CIB2: variants seen among roughly 807,000 people sequenced by gnomAD.
The protein encoded by CIB2 is calcium and integrin binding family member 2.
CIB2 carries 19 observed loss-of-function variants against 23.1 expected under a neutral mutation model. The ratio of observed to expected loss-of-function variants is 0.82; its 90% CI spans 0.57 to 1.21. The LOEUF (loss-of-function observed/expected upper bound fraction) is 1.21. Among genes scored for constraint, CIB2 ranks in the 50% most tolerant of loss-of-function variants. The pLI, the probability that CIB2 is intolerant of heterozygous loss-of-function variation, is 0.00. For missense variants in CIB2, 220 were observed against 241.5 expected, an observed-to-expected ratio of 0.91 and a Z score of 0.59; for synonymous variants, 94 against 91.7, an observed-to-expected ratio of 1.03 and a Z score of -0.14.
chr15:78,120,765 G>C (rs529366406), intron 2 of CIB2: 1 of 984,532 alleles, frequency 1.0e-6, no homozygotes, highest in South Asian at 4.7e-5. Flanking sequence ...AACCTGCAAA[G>C]AAAAACCTCC....
In CIB2 at chr15:78,105,147, C is replaced by A; in HGVS notation, c.*164G>T. ...GAAGGGTCCTAACCTTCACAGGCCC[C>A]CTTCCTGGTTAAGGTTTTTTTTTTG... On this transcript the variant is annotated 3_prime_UTR_variant, in exon 6 of 6. Transcript: ENST00000258930. 1 of 973,148 alleles carries A rather than the reference C, an allele frequency of 1.0e-6. No homozygotes were observed. The highest frequency in any genetic ancestry group is 1.5e-6 in the Non-Finnish European group (1 of 660,862). The allele number at this position is 973,148 out of a possible 1,614,324, so 60.3% of individuals were successfully genotyped here. A position where few individuals can be genotyped will look rare whatever the true frequency, so the allele number is the denominator to read the frequency against.
rs2141887118 is a variant in CIB2 at position 78,109,259 on chromosome 15, C to T, written c.322G>A (p.Ala108Thr). 5.9e-6 allele frequency: 9 copies of T among 1,512,982 alleles called. No homozygotes were observed. The highest frequency in any genetic ancestry group is 8.0e-6 in the Non-Finnish European group (9 of 1,118,938). 93.7% of individuals were successfully genotyped at this position (1,512,982 alleles called of 1,614,324 possible). Reference protein sequence around the residue: ...LCESAPRELKANYAFKIYDFN... With the variant: ...LCESAPRELKTNYAFKIYDFN... ...CCATAGATCTTGAAGGCATAGTTTGCCTTGAGCTCTCGGGGAGCCGACTCG... is the reference window on the plus strand; with the variant it reads ...CCATAGATCTTGAAGGCATAGTTTGTCTTGAGCTCTCGGGGAGCCGACTCG... The change falls in exon 4 of 6, where the codon GCA becomes ACA. Residue 108 changes from alanine to threonine, a missense_variant. Coordinates refer to ENST00000258930, the MANE Select transcript of CIB2 (RefSeq NM_006383.4).
rs113061265 is a variant in CIB2 at position 78,105,010 on chromosome 15, T to C, written c.*301A>G. On this transcript the variant is annotated 3_prime_UTR_variant, in exon 6 of 6. Transcript: ENST00000258930. ...GTTGGGTTATCTGCTTTTCCCTCTT[T>C]GGGGGGGTGGGGAGCATTTCTGGAG... 1 of 310,196 alleles carries C rather than the reference T, an allele frequency of 3.2e-6. No individual in the cohort carries two copies. Among genetic ancestry groups the C allele is most frequent in the East Asian group, 5.8e-5 (1 of 17,268 alleles). The allele number at this position is 310,196 out of a possible 1,614,324, so 19.2% of individuals were successfully genotyped here.
At chr15:78,114,158 C>T (rs2074203490) in intron 2 of CIB2, among the ~76,000 whole-genome samples, 1 of 152,196 alleles carries the variant, frequency 6.6e-6, no homozygotes, top group East Asian at 1.9e-4. Context: ...TAGCATGCTG[C>T]CTGCCACGTC....
At chr15:78,127,815 A>C (rs1309276137) in intron 1 of CIB2, among the ~76,000 whole-genome samples, 1 of 152,196 alleles carries the variant, frequency 6.6e-6, no homozygotes, top group Non-Finnish European at 1.5e-5. Context: ...CAGTGATCTT[A>C]GTTGATCCCC....
intron 4 of CIB2, 35 bp downstream of exon 4, chr15:78,109,200 C>CGGG: frequency 2.6e-6 from 3 of 1,159,158 alleles, no homozygotes; most frequent in Non-Finnish European, 3.7e-6. Context: ...GTTCCCCCAC[C>CGGG]GCATATTCAG....
chr15:78,109,961 CAGA>C (rs1163894667), intron 3 of CIB2, among the ~76,000 whole-genome samples: 2 of 152,172 alleles, frequency 1.3e-5, no homozygotes, highest in African/African-American at 2.4e-5. Context: ...CTGTCCCCAG[CAGA>C]AGAAGATGAC....
At chr15:78,107,405 C>T (rs2074087892) in intron 4 of CIB2, among the ~76,000 whole-genome samples, 1 of 152,138 alleles carries the variant, frequency 6.6e-6, no homozygotes, top group South Asian at 2.1e-4. Context: ...TTCATCTCTG[C>T]CCATGGCATG....
intron 4 of CIB2, among the ~76,000 whole-genome samples, chr15:78,107,969 C>T (rs11072727): frequency 0.21 from 31,909 of 151,874 alleles, 3,859 homozygotes; most frequent in Middle Eastern, 0.28. Context: ...GTCGGGAGTT[C>T]GAGACCAGCC....
rs544442351 is a variant in CIB2 at position 78,113,468 on chromosome 15, T to C, written c.87-2192A>G. Among the ~76,000 whole-genome samples the C allele has an allele frequency of 1.9e-4, 29 of 152,208 alleles. No individual in the cohort carries two copies. In the South Asian group the frequency reaches 4.8e-3, roughly 25 times the overall value. On this transcript the variant is annotated intron_variant, in intron 2 of 5. Transcript: ENST00000258930. ...TAGAGGAAAACTACTTTTTTTTTTT[T>C]ACACTGTCCCCAAATAAGGAACAAC...
intron 4 of CIB2, among the ~76,000 whole-genome samples, chr15:78,106,956 C>T (rs540131214): frequency 6.6e-6 from 1 of 152,120 alleles, no homozygotes; most frequent in African/African-American, 2.4e-5. Flanking sequence ...TGGCCAGGCG[C>T]GGTGGTTCAC....
At chr15:78,110,731 T>A (rs774898365) in intron 3 of CIB2, 1 of 456,308 alleles carries the variant, frequency 2.2e-6, no homozygotes, top group South Asian at 1.5e-5. Flanking sequence ...TTGGACAAGA[T>A]CCCTGGGGAG....
At chr15:78,120,588 G>A in intron 2 of CIB2, 1 of 985,276 alleles carries the variant, frequency 1.0e-6, no homozygotes, top group Middle Eastern at 5.2e-4. Context: ...CAAGGTGACT[G>A]AATAGGGTGG....
intron 1 of CIB2, among the ~76,000 whole-genome samples, chr15:78,129,736 C>G (rs1188926199): frequency 1.3e-5 from 2 of 152,160 alleles, no homozygotes; most frequent in Non-Finnish European, 2.9e-5. Flanking sequence ...GCACACATGG[C>G]CCAGCCCAGC....
intron 4 of CIB2, among the ~76,000 whole-genome samples, chr15:78,108,259 A>ATAGG (rs1299195777): frequency 1.3e-5 from 2 of 151,560 alleles, no homozygotes; most frequent in African/African-American, 4.8e-5. Context: ...TCAGCCCCTG[A>ATAGG]TAGGCCCTGC....
Position 78,111,153 on chromosome 15 carries a change from T to A in CIB2, c.198+12A>T, listed in dbSNP as rs1485882727. ...AGATCCCCTGCTCGCCAGCAAGAGG[T>A]CCTGCACATACCCGGAGCTCTGGCA... On this transcript the variant is annotated intron_variant, in intron 3 of 5. Transcript: ENST00000258930. The A allele has an allele frequency of 6.2e-7, 1 of 1,611,768 alleles. No homozygotes were observed. Among genetic ancestry groups the A allele is most frequent in the Non-Finnish European group, 8.5e-7 (1 of 1,177,964 alleles).
intron 2 of CIB2, among the ~76,000 whole-genome samples, chr15:78,116,721 TAGAA>T (rs1034405368): frequency 2.6e-5 from 4 of 152,124 alleles, no homozygotes; most frequent in Non-Finnish European, 5.9e-5. Context: ...CTATTTGAAA[TAGAA>T]AGAGTTCAGA....
chr15:78,130,947 G>C (rs538525146), intron 1 of CIB2, among the ~76,000 whole-genome samples: 1 of 152,236 alleles, frequency 6.6e-6, no homozygotes, highest in Non-Finnish European at 1.5e-5. Context: ...GCGCCTGAGA[G>C]GTTCTTCCAA....
intron 2 of CIB2, among the ~76,000 whole-genome samples, chr15:78,117,866 A>G (rs117464595): frequency 0.02 from 3,043 of 152,356 alleles, 32 homozygotes; most frequent in Middle Eastern, 0.034. Context: ...CAAAAAGCAT[A>G]TAACAGCAGT....
Sources: gnomAD v4.1 joint callset for allele counts (sites outside exome capture counted in the v4.1 genomes callset) on GRCh38, gnomAD v4.1.1 for gene constraint, MANE v1.5 for transcripts, NCBI Gene and HGNC (gene_info 2026-07-23, HGNC 2026-07-21) for gene names.